The following SYNE1 variants were observed in gnomAD, a reference collection of about 807,000 sequenced individuals.
SYNE1 encodes nesprin-1.
A neutral mutation model predicts 1,111.0 loss-of-function variants in SYNE1; 616 were observed. That is an observed-to-expected ratio of 0.55 (90% CI 0.52 to 0.59). The LOEUF is 0.59. Ranked by LOEUF, SYNE1 falls within the 20% of genes least tolerant of loss-of-function variation. The probability of loss-of-function intolerance (pLI) is 0.00; values close to 1 mark genes in which losing one functional copy is unlikely to be tolerated. For missense variants in SYNE1, 10,006 were observed against 10,417.0 expected (o/e 0.96, Z 1.72); for synonymous variants, 3,855 against 3,825.8 (o/e 1.01, Z -0.28).
At position 152,453,320 on chromosome 6, in the gene SYNE1, C is replaced by G. The variant is rs1023754399; in HGVS notation, c.3027+266G>C. ...TGCTAGAATAAGTTAAATGTTCTTG[C>G]ACCCTGGATTAAAAAAAAATCAGGA... On this transcript the variant is annotated intron_variant, in intron 25 of 145. Coordinates refer to ENST00000367255, the MANE Select transcript of SYNE1 (RefSeq NM_182961.4). 8.4e-6 allele frequency: 5 copies of G among 597,170 alleles called. No homozygotes were observed. The Admixed American group carries it at 1.2e-4, about 14-fold the overall frequency. 37.0% of individuals were successfully genotyped at this position (597,170 alleles called of 1,614,324 possible).
At chr6:152,482,755 A>G (rs1395711356) in intron 14 of SYNE1, among the ~76,000 whole-genome samples, 1 of 152,164 alleles carries the variant, frequency 6.6e-6, no homozygotes, top group East Asian at 1.9e-4. Context: ...TCTGGAGCCA[A>G]TGGCCGGCCA....
At chr6:152,507,055 C>T (rs1225927900) in intron 8 of SYNE1, among the ~76,000 whole-genome samples, 3 of 152,152 alleles carry the variant, frequency 2.0e-5, no homozygotes, top group Non-Finnish European at 4.4e-5. Context: ...TGAATCTTCT[C>T]TAATTTTCAA....
At chr6:152,588,726 A>C (rs1341611197) in intron 3 of SYNE1, among the ~76,000 whole-genome samples, 1 of 152,144 alleles carries the variant, frequency 6.6e-6, no homozygotes, top group Non-Finnish European at 1.5e-5. Context: ...GGAGAAGGAA[A>C]GGCAGGCACA....
chr6:152,307,487 C>G lies in SYNE1; in HGVS notation c.17346+1002G>C, dbSNP rs994150218. Among the ~76,000 whole-genome samples, 48 of 152,220 alleles carry G rather than the reference C, an allele frequency of 3.2e-4. 1 individual carries two copies. Among genetic ancestry groups the G allele is most frequent in the Non-Finnish European group, 5.0e-4 (34 of 68,016 alleles). ...CCTTAGTACAGAAAAAATAAGACAA[C>G]CTTCTCCCAGTTATTTACCAAAATT... On this transcript the variant is annotated intron_variant, in intron 91 of 145. Transcript: ENST00000367255.
intron 112 of SYNE1, among the ~76,000 whole-genome samples, chr6:152,233,023 T>A (rs1031193032): frequency 6.6e-6 from 1 of 152,198 alleles, no homozygotes; most frequent in Non-Finnish European, 1.5e-5. Context: ...CAAAGAGAGA[T>A]AAAGATAAAA....
intron 3 of SYNE1, among the ~76,000 whole-genome samples, chr6:152,547,185 A>G (rs1033510770): frequency 6.6e-6 from 1 of 152,230 alleles, no homozygotes; most frequent in Non-Finnish European, 1.5e-5. Context: ...GTTGCTCCAC[A>G]CCACTAAGAT....
intron 4 of SYNE1, among the ~76,000 whole-genome samples, chr6:152,534,042 C>T (rs1564692285): frequency 4.0e-5 from 6 of 151,696 alleles, no homozygotes; most frequent in Non-Finnish European, 5.9e-5. Context: ...TCCTGTAATC[C>T]CAGCTACTCA....
At chr6:152,490,581 AC>A (rs911244117) in intron 11 of SYNE1, among the ~76,000 whole-genome samples, 4 of 151,476 alleles carry the variant, frequency 2.6e-5, no homozygotes, top group Non-Finnish European at 4.4e-5. Context: ...CAAGAGAAAA[AC>A]CCCCTTTGAC....
chr6:152,346,695 A>C (rs866170684), intron 73 of SYNE1, among the ~76,000 whole-genome samples: 19 of 151,978 alleles, frequency 1.3e-4, no homozygotes, highest in Admixed American at 1.3e-4. Flanking sequence ...CTGTAGTCCC[A>C]GCTACTCGGG....
chr6:152,180,893 C>T (rs571982949), intron 128 of SYNE1, among the ~76,000 whole-genome samples: 1 of 151,994 alleles, frequency 6.6e-6, no homozygotes, highest in South Asian at 2.1e-4. Context: ...TACTTCTCTG[C>T]AGTTTTCATT....
chr6:152,467,116 C>T (rs970819554), intron 16 of SYNE1, among the ~76,000 whole-genome samples: 1 of 152,010 alleles, frequency 6.6e-6, no homozygotes, highest in African/African-American at 2.4e-5. Flanking sequence ...TAACATATTT[C>T]ATATCATTTT....
chr6:152,371,367 G>A (rs1352718214), intron 59 of SYNE1, among the ~76,000 whole-genome samples: 1 of 151,724 alleles, frequency 6.6e-6, no homozygotes, highest in East Asian at 2.0e-4. Flanking sequence ...ACCATATGAA[G>A]AAGGATGTAT....
intron 44 of SYNE1, among the ~76,000 whole-genome samples, chr6:152,407,485 A>G (rs1382457075): frequency 6.6e-6 from 1 of 152,230 alleles, no homozygotes; most frequent in Admixed American, 6.5e-5. Context: ...ATAACTCAAT[A>G]TAAGGTTGAA....
intron 8 of SYNE1, among the ~76,000 whole-genome samples, chr6:152,506,706 T>C (rs2099060181): frequency 6.6e-6 from 1 of 152,064 alleles, no homozygotes; most frequent in Admixed American, 6.6e-5. Flanking sequence ...AATACCTGGC[T>C]AATTTTTGTA....
At chr6:152,614,576 G>A (rs544290976) in intron 3 of SYNE1, among the ~76,000 whole-genome samples, 20 of 152,274 alleles carry the variant, frequency 1.3e-4, no homozygotes, top group Non-Finnish European at 1.3e-4. Flanking sequence ...ACAATGTGGC[G>A]ATTCCTCAAG....
intron 130 of SYNE1, chr6:152,167,713 A>G (rs1413740742): frequency 1.9e-6 from 1 of 524,304 alleles, no homozygotes; most frequent in African/African-American, 1.9e-5. Flanking sequence ...AAAGCTGTGA[A>G]CCAGCTAAGG....
Position 152,148,913 on chromosome 6 carries a change from A to G in SYNE1, c.24643-535T>C, listed in dbSNP as rs2059960460. On this transcript the variant is annotated intron_variant, in intron 136 of 145. Coordinates refer to ENST00000367255, the MANE Select transcript of SYNE1 (RefSeq NM_182961.4). This position sits in a 1 kb window ranked among gnomAD's most constrained non-coding sequence, Gnocchi z 4.1. ...ACCTTAGCTTGTCCTTATAGCCCAGATATAAAATAGGTTTGATCGTAGAAG... is the reference window on the plus strand; with the variant it reads ...ACCTTAGCTTGTCCTTATAGCCCAGGTATAAAATAGGTTTGATCGTAGAAG... 6.6e-6 allele frequency among the ~76,000 whole-genome samples: 1 copy of G among 152,224 alleles called. No homozygotes were observed. The highest frequency in any genetic ancestry group is 2.4e-5 in the African/African-American group (1 of 41,458).
intron 36 of SYNE1, 57 bp downstream of exon 36, chr6:152,430,055 T>A: frequency 8.2e-7 from 1 of 1,215,516 alleles, no homozygotes; most frequent in Non-Finnish European, 1.2e-6. Flanking sequence ...TCTTTTCAAG[T>A]GGGAATTATC....
At position 152,301,883 on chromosome 6, in the gene SYNE1, G is replaced by A. The variant is rs1479752256; in HGVS notation, c.17527C>T (p.Pro5843Ser). The A allele has an allele frequency of 4.3e-6, 7 of 1,613,472 alleles. No homozygotes were observed. In the African/African-American group the frequency reaches 6.7e-5, roughly 15 times the overall value. The stretch of plus-strand genomic sequence containing the variant: ...TGGATCCTTACCATGACCACAGAGG[G>A]GTGGGCCGAAGGCGTGGGGAGGAGC... ...GELLPTPSAH[P>S]SVVMMTAGRC... Residue 5843 changes from proline (P) to serine (S), a missense_variant, in exon 92 of 146, where the codon CCC becomes TCC. Physicochemically the swap from Pro to Ser is moderately conservative, Grantham distance 74 (BLOSUM62 -1). Around this residue, in one of 7 missense-constraint regions of SYNE1, gnomAD observed 4,955 missense variants for 5,017.2 expected, o/e 0.99. Transcript: ENST00000367255.
Sources: allele counts gnomAD v4.1 joint callset (sites outside exome capture counted in the v4.1 genomes callset), GRCh38; gene constraint gnomAD v4.1.1; regional missense constraint gnomAD v4.1.1; non-coding constraint Gnocchi (gnomAD v3.1); transcripts MANE v1.5; gene names NCBI Gene and HGNC (gene_info 2026-07-23, HGNC 2026-07-21).